ZNF385B: variants seen among roughly 807,000 people sequenced by gnomAD.
ZNF385B encodes zinc finger protein 533.
A neutral mutation model predicts 39.2 loss-of-function variants in ZNF385B; 23 were observed. The ratio of observed to expected loss-of-function variants is 0.59; its 90% CI spans 0.42 to 0.83. The LOEUF is 0.83. ZNF385B is among the 40% of genes least tolerant of loss of function. ZNF385B has a pLI of 0.00. For missense variants in ZNF385B, 552 were observed against 598.9 expected, an observed-to-expected ratio of 0.92 and a Z score of 0.82; for synonymous variants, 205 against 222.6, an observed-to-expected ratio of 0.92 and a Z score of 0.70.
intron 3 of ZNF385B, among the ~76,000 whole-genome samples, chr2:179,759,490 A>G (rs1225336307): frequency 6.6e-6 from 1 of 151,854 alleles, no homozygotes; most frequent in Non-Finnish European, 1.5e-5. Flanking sequence ...ATTCCTTTCT[A>G]CCTTTGCAAA....
At position 179,678,017 on chromosome 2, in the gene ZNF385B, C is replaced by CT. The variant is rs199844418; in HGVS notation, c.298+91485dup. Among the ~76,000 whole-genome samples the CT allele has an allele frequency of 2.3e-3, 355 of 151,302 alleles. 1 individual carries two copies. The highest frequency in any genetic ancestry group is 7.9e-3 in the African/African-American group (325 of 41,258). On this transcript the variant is annotated intron_variant, in intron 3 of 9. Coordinates refer to ENST00000410066, the MANE Select transcript of ZNF385B (RefSeq NM_152520.6). ...CTTAGCAAGGATGATATAAATAGCTCTTTTTTTTTCTATCAAGGGGCCACA... is the reference window on the plus strand; with the variant it reads ...CTTAGCAAGGATGATATAAATAGCTCTTTTTTTTTTCTATCAAGGGGCCACA...
chr2:179,679,856 C>T (rs1469854125), intron 3 of ZNF385B, among the ~76,000 whole-genome samples: 1 of 152,130 alleles, frequency 6.6e-6, no homozygotes, highest in Non-Finnish European at 1.5e-5. Context: ...ATGCTTTTGC[C>T]TACCCCATCA....
At chr2:179,715,176 A>G (rs1034713191) in intron 3 of ZNF385B, among the ~76,000 whole-genome samples, 2 of 151,808 alleles carry the variant, frequency 1.3e-5, no homozygotes, top group African/African-American at 4.8e-5. Context: ...GAGAATAAGG[A>G]TAACTTTTAT....
chr2:179,814,662 A>C, intron 1 of ZNF385B: 1 of 404,304 alleles, frequency 2.5e-6, no homozygotes, highest in Non-Finnish European at 4.8e-6. Context: ...TACTCCACCA[A>C]GTCCAGATAC....
intron 1 of ZNF385B, among the ~76,000 whole-genome samples, chr2:179,791,776 T>C (rs2106539972): frequency 6.6e-6 from 1 of 152,338 alleles, no homozygotes. Context: ...CCTTTTATTT[T>C]GAGATGGAGT....
intron 3 of ZNF385B, among the ~76,000 whole-genome samples, chr2:179,550,342 A>G (rs1487103642): frequency 6.7e-6 from 1 of 149,466 alleles, no homozygotes; most frequent in Non-Finnish European, 1.5e-5. Context: ...CTTTGTAATA[A>G]CAAACCCAAA....
At chr2:179,478,730 G>C (rs573540302) in intron 6 of ZNF385B, among the ~76,000 whole-genome samples, 1 of 152,070 alleles carries the variant, frequency 6.6e-6, no homozygotes, top group Admixed American at 6.6e-5. Flanking sequence ...AATCCAATGC[G>C]AAAGCCCAGA....
chr2:179,499,426 C>T (rs1417210434), intron 5 of ZNF385B, among the ~76,000 whole-genome samples: 1 of 151,962 alleles, frequency 6.6e-6, no homozygotes, highest in Non-Finnish European at 1.5e-5. Flanking sequence ...TTAGACAATA[C>T]ATTAGAAAGA....
At position 179,442,810 on chromosome 2, in the gene ZNF385B, ACACC is replaced by A. The variant is rs150083618; in HGVS notation, c.*436_*439del. 3.5e-3 allele frequency: 880 copies of A among 249,152 alleles called. 15 individuals carry two copies. The highest frequency in any genetic ancestry group is 0.019 in the African/African-American group (820 of 43,036). 15.4% of individuals were successfully genotyped at this position (249,152 alleles called of 1,614,324 possible). A position where few individuals can be genotyped will look rare whatever the true frequency, so the allele number is the denominator to read the frequency against. ...ACTGTTTTTTGTTCCACACTAGAAT[ACACC>A]CAGTTGGATACCAGAGTTATTTACA... On this transcript the variant is annotated 3_prime_UTR_variant, in exon 10 of 10. Coordinates refer to ENST00000410066, the MANE Select transcript of ZNF385B (RefSeq NM_152520.6).
intron 6 of ZNF385B, among the ~76,000 whole-genome samples, chr2:179,454,944 T>G (rs2105440551): frequency 6.6e-6 from 1 of 152,284 alleles, no homozygotes; most frequent in Non-Finnish European, 1.5e-5. Context: ...AGAATTTTTC[T>G]AAAAATAAAT....
chr2:179,775,882 C>G (rs1272829009), intron 1 of ZNF385B, among the ~76,000 whole-genome samples: 3 of 152,208 alleles, frequency 2.0e-5, no homozygotes, highest in Non-Finnish European at 4.4e-5. Flanking sequence ...TGCAAATTAT[C>G]TTTTCTTTCA....
intron 3 of ZNF385B, among the ~76,000 whole-genome samples, chr2:179,620,733 A>G (rs1690140694): frequency 6.6e-6 from 1 of 152,226 alleles, no homozygotes; most frequent in Admixed American, 6.5e-5. Flanking sequence ...TTCAGCTTCA[A>G]TATGCATACC....
At chr2:179,606,131 T>C (rs977027886) in intron 3 of ZNF385B, among the ~76,000 whole-genome samples, 3 of 152,146 alleles carry the variant, frequency 2.0e-5, no homozygotes, top group African/African-American at 7.2e-5. Context: ...TGTTAACATT[T>C]ACACAAAATT....
intron 3 of ZNF385B, among the ~76,000 whole-genome samples, chr2:179,652,671 C>A (rs915710760): frequency 8.6e-5 from 13 of 151,952 alleles, no homozygotes; most frequent in Non-Finnish European, 1.8e-4. Context: ...TGAGCAGAAC[C>A]CTAAACCCTA....
chr2:179,761,761 C>CTTTTTTTT (rs34325728), intron 3 of ZNF385B, among the ~76,000 whole-genome samples: 552 of 110,068 alleles, frequency 5.0e-3, no homozygotes, highest in Non-Finnish European at 6.0e-3. Context: ...TTTTTCTTTT[C>CTTTTTTTT]TTTTTTTTTT....
chr2:179,528,666 C>G (rs1322751253), intron 4 of ZNF385B, among the ~76,000 whole-genome samples: 1 of 152,160 alleles, frequency 6.6e-6, no homozygotes, highest in African/African-American at 2.4e-5. Context: ...AACTTTTAAA[C>G]TGTTCTGAGT....
At chr2:179,679,607 GT>G (rs1697324585) in intron 3 of ZNF385B, among the ~76,000 whole-genome samples, 2 of 42,586 alleles carry the variant, frequency 4.7e-5, no homozygotes, top group Admixed American at 1.8e-4. Context: ...TATTATTGTT[GT>G]TGTTGTTGTT....
Position 179,818,555 on chromosome 2 carries a change from G to C in ZNF385B, c.-155+42546C>G, listed in dbSNP as rs531142607. Among the ~76,000 whole-genome samples the C allele has an allele frequency of 2.6e-5, 4 of 152,156 alleles. No homozygotes were observed. The East Asian group carries it at 5.8e-4, about 22-fold the overall frequency. On this transcript the variant is annotated intron_variant, in intron 1 of 9. Coordinates refer to ENST00000410066, the MANE Select transcript of ZNF385B (RefSeq NM_152520.6). ...TCTGAACAATCATGATTAATCTCTC[G>C]CTAGAGTGTTAATATTACACATAAT... is the stretch of plus-strand genomic sequence containing the variant.
At position 179,549,086 on chromosome 2, in the gene ZNF385B, C is replaced by T. The variant is rs192685742; in HGVS notation, c.299-4117G>A. On this transcript the variant is annotated intron_variant, in intron 3 of 9. Coordinates refer to ENST00000410066, the MANE Select transcript of ZNF385B (RefSeq NM_152520.6). ...GTGTGATGTGGTCTTTTGTGACTCA[C>T]TTCTTTCATCTGACATAATGTTTTT... 1.9e-4 allele frequency among the ~76,000 whole-genome samples: 29 copies of T among 149,368 alleles called. 2 individuals carry two copies. The highest frequency in any genetic ancestry group is 1.8e-3 in the Admixed American group (27 of 15,012).
Sources: allele counts gnomAD v4.1 joint callset (sites outside exome capture counted in the v4.1 genomes callset), GRCh38; gene constraint gnomAD v4.1.1; transcripts MANE v1.5; gene names NCBI Gene and HGNC (gene_info 2026-07-23, HGNC 2026-07-21).